EPHA6: variants seen among roughly 807,000 people sequenced by gnomAD.
EPHA6 encodes ephrin type-A receptor 6.
In EPHA6, 50 loss-of-function variants were observed where a neutral mutation model predicts 112.0. The observed-to-expected ratio is 0.45, with a 90% CI of 0.36 to 0.56. The LOEUF (loss-of-function observed/expected upper bound fraction) is 0.56. Among genes scored for constraint, EPHA6 ranks in the 20% least tolerant of loss-of-function variants. The pLI is 0.00. For missense variants in EPHA6, 1,280 were observed against 1,417.4 expected, an observed-to-expected ratio of 0.90 and a Z score of 1.56; for synonymous variants, 529 against 490.7, an observed-to-expected ratio of 1.08 and a Z score of -1.03.
At chr3:97,185,836 G>A (rs955863650) in intron 3 of EPHA6, among the ~76,000 whole-genome samples, 2 of 152,016 alleles carry the variant, frequency 1.3e-5, no homozygotes, top group Non-Finnish European at 2.9e-5. Context: ...ATGATAGACT[G>A]GATTAAGAAA....
At chr3:97,469,643 C>T (rs2091164173) in intron 7 of EPHA6, among the ~76,000 whole-genome samples, 2 of 151,690 alleles carry the variant, frequency 1.3e-5, no homozygotes, top group South Asian at 4.1e-4. Context: ...GACTGATCAA[C>T]TTGGAAGGCG....
At chr3:97,678,923 G>A (rs2031629841) in intron 14 of EPHA6, among the ~76,000 whole-genome samples, 1 of 152,094 alleles carries the variant, frequency 6.6e-6, no homozygotes, top group Non-Finnish European at 1.5e-5. Context: ...CTTTGTGTGT[G>A]CATGAGACCC....
At chr3:97,537,831 G>A (rs150357331) in intron 11 of EPHA6, among the ~76,000 whole-genome samples, 10 of 152,150 alleles carry the variant, frequency 6.6e-5, no homozygotes, top group East Asian at 1.9e-4. Context: ...CACCTACCTC[G>A]GCCTCCCAAA....
At chr3:97,368,387 T>C (rs1559928245) in intron 5 of EPHA6, among the ~76,000 whole-genome samples, 1 of 152,178 alleles carries the variant, frequency 6.6e-6, no homozygotes, top group Non-Finnish European at 1.5e-5. Context: ...CAATACTTCA[T>C]CGTGTATAAA....
intron 3 of EPHA6, among the ~76,000 whole-genome samples, chr3:97,127,432 C>T (rs2048212727): frequency 6.6e-6 from 1 of 152,046 alleles, no homozygotes; most frequent in East Asian, 1.9e-4. Flanking sequence ...AGAGAATGAA[C>T]TTCCCGGCTG....
At chr3:97,384,073 A>G (rs1270124873) in intron 5 of EPHA6, among the ~76,000 whole-genome samples, 2 of 152,184 alleles carry the variant, frequency 1.3e-5, no homozygotes, top group African/African-American at 4.8e-5. Flanking sequence ...AATGTTGACT[A>G]TTGGAAAATC....
intron 6 of EPHA6, among the ~76,000 whole-genome samples, chr3:97,429,204 G>T (rs1162410802): frequency 6.6e-6 from 1 of 152,002 alleles, no homozygotes; most frequent in Non-Finnish European, 1.5e-5. Flanking sequence ...TTGATTTCTG[G>T]CAAGTGAGGA....
At chr3:97,047,499 CAAAA>C (rs556388538) in intron 3 of EPHA6, among the ~76,000 whole-genome samples, 1 of 46,450 alleles carries the variant, frequency 2.2e-5, no homozygotes, top group Non-Finnish European at 4.8e-5. Flanking sequence ...GACTCTGTCT[CAAAA>C]AAAAAAAAAA....
At chr3:97,466,194 C>A in intron 7 of EPHA6, 1 of 735,118 alleles carries the variant, frequency 1.4e-6, no homozygotes, top group Non-Finnish European at 2.5e-6. Flanking sequence ...CACTTCCAAT[C>A]CTATCCATCC....
chr3:97,468,752 C>G (rs1421691081), intron 7 of EPHA6, among the ~76,000 whole-genome samples: 1 of 151,602 alleles, frequency 6.6e-6, no homozygotes, highest in East Asian at 1.9e-4. Context: ...GTTCTTTAGC[C>G]AAGGGCATTT....
chr3:96,978,399 C>A (rs577617140), intron 2 of EPHA6, among the ~76,000 whole-genome samples: 30 of 152,002 alleles, frequency 2.0e-4, no homozygotes, highest in Non-Finnish European at 3.5e-4. Flanking sequence ...TATATAAATG[C>A]AGTATTTCCA....
intron 14 of EPHA6, among the ~76,000 whole-genome samples, chr3:97,651,339 A>C (rs1191334722): frequency 7.2e-5 from 11 of 152,058 alleles, no homozygotes; most frequent in Non-Finnish European, 1.5e-5. Flanking sequence ...AAGCACTTAC[A>C]ATGATGGGTT....
chr3:97,657,428 A>G (rs2094143760), intron 14 of EPHA6, among the ~76,000 whole-genome samples: 1 of 151,864 alleles, frequency 6.6e-6, no homozygotes, highest in South Asian at 2.1e-4. Flanking sequence ...TAATCAAGGC[A>G]TTTCAGTAGC....
chr3:96,991,102 G>A lies in EPHA6; in HGVS notation c.1114+3109G>A, dbSNP rs148888343. 3.1e-3 allele frequency among the ~76,000 whole-genome samples: 468 copies of A among 152,068 alleles called. 6 individuals are homozygous for A. The highest frequency in any genetic ancestry group is 0.011 in the African/African-American group (448 of 41,460). On this transcript the variant is annotated intron_variant, in intron 3 of 17. Coordinates refer to ENST00000389672, the MANE Select transcript of EPHA6 (RefSeq NM_001080448.3). ...ACTCCTAGGTTCAAGCGATCCTCCT[G>A]CCTTAGCCTCCCAAAGTGCTGTGAT...
chr3:97,030,861 A>G (rs868738903), intron 3 of EPHA6, among the ~76,000 whole-genome samples: 30 of 152,156 alleles, frequency 2.0e-4, no homozygotes, highest in African/African-American at 6.7e-4. Flanking sequence ...CTATCGCCAT[A>G]AACTATGAAG....
intron 5 of EPHA6, among the ~76,000 whole-genome samples, chr3:97,323,104 CAT>C (rs2082197365): frequency 6.6e-6 from 1 of 151,938 alleles, no homozygotes. Context: ...CTCTACACCA[CAT>C]GTCATTATAC....
Position 97,475,357 on chromosome 3 carries a change from G to A in EPHA6, c.1900G>A (p.Asp634Asn), listed in dbSNP as rs1417340014. 2.5e-6 allele frequency: 4 copies of A among 1,608,730 alleles called. No homozygotes were observed. The highest frequency in any genetic ancestry group is 2.5e-6 in the Non-Finnish European group (3 of 1,177,374). Residue 634 changes from aspartate to asparagine, a missense_variant, in exon 8 of 18, where the codon GAC (aspartate) becomes AAC (asparagine). Transcript: ENST00000389672. Reference sequence around the variant, plus strand: ...ATATTGTATCTCTGTTTCAGCTTCTGACATGGCAGCAGAACAAGGACAGAT... The same window carrying A: ...ATATTGTATCTCTGTTTCAGCTTCTAACATGGCAGCAGAACAAGGACAGAT... Reference protein sequence around the residue: ...FEFETGDETSDMAAEQGQILV... With the variant: ...FEFETGDETSNMAAEQGQILV...
At chr3:97,385,750 C>T (rs146977862) in intron 5 of EPHA6, among the ~76,000 whole-genome samples, 1 of 152,254 alleles carries the variant, frequency 6.6e-6, no homozygotes, top group East Asian at 1.9e-4. Context: ...AACTTACATT[C>T]ATGGCAGAAT....
At chr3:97,397,954 T>G (rs1204149067) in intron 5 of EPHA6, among the ~76,000 whole-genome samples, 1 of 151,534 alleles carries the variant, frequency 6.6e-6, no homozygotes, top group African/African-American at 2.4e-5. Context: ...ATTTTAGGGT[T>G]TAGGACATTT....
Sources: allele counts gnomAD v4.1 joint callset (sites outside exome capture counted in the v4.1 genomes callset), GRCh38; gene constraint gnomAD v4.1.1; transcripts MANE v1.5; gene names NCBI Gene and HGNC (gene_info 2026-07-23, HGNC 2026-07-21).